Variants in PPP2R2C observed in about 807,000 individuals in gnomAD.
PPP2R2C encodes the protein protein phosphatase 2, regulatory subunit B, gamma.
In PPP2R2C, 10 loss-of-function variants were observed where a neutral mutation model predicts 45.3. The observed-to-expected ratio is 0.22, with a 90% CI of 0.14 to 0.37. The LOEUF (loss-of-function observed/expected upper bound fraction) is 0.37. Ranked by LOEUF, PPP2R2C falls within the 10% of genes least tolerant of loss-of-function variation. PPP2R2C has a pLI of 1.00. For synonymous variants in PPP2R2C, 257 were observed against 245.4 expected (o/e 1.05, Z -0.44); for missense variants, 308 against 619.7 (o/e 0.50, Z 5.34).
At chr4:6,522,381 A>G (rs1047303831) in intron 2 of PPP2R2C, among the ~76,000 whole-genome samples, 3 of 152,222 alleles carry the variant, frequency 2.0e-5, no homozygotes, top group African/African-American at 7.2e-5. Context: ...TGGGAAATTG[A>G]GGCTGGCGAG....
intron 1 of PPP2R2C, among the ~76,000 whole-genome samples, chr4:6,437,428 C>G (rs936822124): frequency 2.0e-5 from 3 of 152,202 alleles, no homozygotes; most frequent in Admixed American, 6.5e-5. Flanking sequence ...TCAACTGTTT[C>G]ATTTTAAAGA....
chr4:6,495,127 C>T (rs980216124), intron 2 of PPP2R2C, among the ~76,000 whole-genome samples: 2 of 152,240 alleles, frequency 1.3e-5, no homozygotes, highest in Admixed American at 6.5e-5. Flanking sequence ...CAAGGGGCTA[C>T]GTGGCCTCCA....
intron 1 of PPP2R2C, chr4:6,535,485 C>A: frequency 2.7e-6 from 2 of 749,916 alleles, no homozygotes; most frequent in Non-Finnish European, 4.2e-6. Flanking sequence ...GCCGCCCTGG[C>A]CGCCGCCCGG....
At chr4:6,537,189 C>T (rs1170270478) in intron 1 of PPP2R2C, among the ~76,000 whole-genome samples, 2 of 151,414 alleles carry the variant, frequency 1.3e-5, no homozygotes, top group East Asian at 1.9e-4. Context: ...GGCGACAGAG[C>T]GAGACTCCAT....
At chr4:6,494,336 G>A (rs1019510516) in intron 2 of PPP2R2C, among the ~76,000 whole-genome samples, 21 of 152,276 alleles carry the variant, frequency 1.4e-4, no homozygotes, top group African/African-American at 5.1e-4. Context: ...GGCCCTCCCC[G>A]GGGTGTCCAG....
intron 1 of PPP2R2C, among the ~76,000 whole-genome samples, chr4:6,454,325 T>C (rs1720899101): frequency 6.6e-6 from 1 of 152,190 alleles, no homozygotes; most frequent in Admixed American, 6.5e-5. Context: ...TGGGCCGGCC[T>C]GTGACTTGCT....
intron 1 of PPP2R2C, among the ~76,000 whole-genome samples, chr4:6,423,203 A>C (rs112630238): frequency 0.014 from 2,152 of 152,014 alleles, 53 homozygotes; most frequent in African/African-American, 0.049. Context: ...TTCTTGTTTT[A>C]GTTTTTTGTT....
chr4:6,441,880 C>T (rs551600994), intron 1 of PPP2R2C, among the ~76,000 whole-genome samples: 37 of 152,294 alleles, frequency 2.4e-4, no homozygotes, highest in Non-Finnish European at 3.5e-4. Context: ...CCCAGCACTG[C>T]GGTCAAAATT....
Position 6,321,668 on chromosome 4 carries a change from CAA to C in PPP2R2C, c.*1632_*1633del, listed in dbSNP as rs10606346. ...TGTAAAAAACAAAACAAAACAAAAC[CAA>C]AAAAAAAGTTTGGATTTGGCTGGGT... On this transcript the variant is annotated 3_prime_UTR_variant, in exon 9 of 9. Coordinates refer to ENST00000382599, the MANE Select transcript of PPP2R2C (RefSeq NM_020416.4). The C allele has an allele frequency of 0.13, 20,341 of 151,566 alleles. 1,499 individuals carry two copies. Among genetic ancestry groups the C allele is most frequent in the Middle Eastern group, 0.21 (61 of 294 alleles). The allele number at this position is 151,566 out of a possible 1,614,324, so 9.4% of individuals were successfully genotyped here.
At chr4:6,527,711 G>C (rs765476882) in intron 2 of PPP2R2C, among the ~76,000 whole-genome samples, 2 of 152,046 alleles carry the variant, frequency 1.3e-5, no homozygotes, top group African/African-American at 2.4e-5. Flanking sequence ...TCCAGGCCCG[G>C]TGCAAAACCA....
intron 1 of PPP2R2C, among the ~76,000 whole-genome samples, chr4:6,397,056 C>A (rs543001013): frequency 6.6e-6 from 1 of 152,264 alleles, no homozygotes; most frequent in Non-Finnish European, 1.5e-5. Context: ...TCACTCTGGG[C>A]CAAGTGAGCC....
At chr4:6,327,781 C>T (rs1333857924) in intron 8 of PPP2R2C, among the ~76,000 whole-genome samples, 1 of 152,116 alleles carries the variant, frequency 6.6e-6, no homozygotes, top group Non-Finnish European at 1.5e-5. Context: ...CTTTAGTGGC[C>T]CCCTGTGATC....
Position 6,480,639 on chromosome 4 carries a change from C to T in PPP2R2C, c.49+54632G>A, listed in dbSNP as rs895661235. Among the ~76,000 whole-genome samples, 8 of 152,274 alleles carry T rather than the reference C, an allele frequency of 5.3e-5. No individual in the cohort carries two copies. In the East Asian group the frequency reaches 5.8e-4, roughly 11 times the overall value. On this transcript the variant is annotated intron_variant, in intron 2 of 9. Transcript: ENST00000506140. ...TGCAGGTACATCCTTTTACTTAGTT[C>T]CTCATAGCCTGCAGTGTAAAGGTTT...
Position 6,371,435 on chromosome 4 carries a change from G to T in PPP2R2C, c.625+1088C>A, listed in dbSNP as rs111778039. Reference sequence around the variant, plus strand: ...GCTATCCCGGCTTCTACTGCTCCGAGGGACACAGCCCACTCCTGACCACTG... The same window carrying T: ...GCTATCCCGGCTTCTACTGCTCCGATGGACACAGCCCACTCCTGACCACTG... On this transcript the variant is annotated intron_variant, in intron 5 of 8. Coordinates refer to ENST00000382599, the MANE Select transcript of PPP2R2C (RefSeq NM_020416.4). 2.9e-3 allele frequency among the ~76,000 whole-genome samples: 437 copies of T among 152,352 alleles called. 4 individuals are homozygous for T. Among genetic ancestry groups the T allele is most frequent in the African/African-American group, 9.9e-3 (413 of 41,584 alleles).
At position 6,365,722 on chromosome 4, in the gene PPP2R2C, AC is replaced by A. The variant is rs560378805; in HGVS notation, c.625+6800del. 5.1e-4 allele frequency among the ~76,000 whole-genome samples: 77 copies of A among 152,034 alleles called. 1 individual carries two copies. The highest frequency in any genetic ancestry group is 7.5e-4 in the Non-Finnish European group (51 of 67,970). ...TGAGCCTCCTGCGGTGAATGGCTGCACCCCCCTCCAGCCCACCTGGCCGTGC... is the reference window on the plus strand; with the variant it reads ...TGAGCCTCCTGCGGTGAATGGCTGCACCCCCTCCAGCCCACCTGGCCGTGC... On this transcript the variant is annotated intron_variant, in intron 5 of 8. Coordinates refer to ENST00000382599, the MANE Select transcript of PPP2R2C (RefSeq NM_020416.4).
intron 5 of PPP2R2C, among the ~76,000 whole-genome samples, chr4:6,367,058 G>A (rs1190274076): frequency 6.6e-6 from 1 of 151,806 alleles, no homozygotes; most frequent in East Asian, 1.9e-4. Context: ...GTGAGAGAGA[G>A]GGAGGAGGCT....
intron 1 of PPP2R2C, among the ~76,000 whole-genome samples, chr4:6,535,569 C>G (rs1724579764): frequency 6.6e-6 from 1 of 152,208 alleles, no homozygotes; most frequent in Non-Finnish European, 1.5e-5. Flanking sequence ...GCCTGAGCCT[C>G]AGCTTCCAAA....
intron 2 of PPP2R2C, among the ~76,000 whole-genome samples, chr4:6,511,529 T>C (rs1560593858): frequency 2.1e-4 from 7 of 33,906 alleles, no homozygotes; most frequent in African/African-American, 6.3e-4. Context: ...GTGGTGATGG[T>C]GGTGGTGGTG....
chr4:6,392,167 T>G (rs562407761), intron 1 of PPP2R2C, among the ~76,000 whole-genome samples: 21 of 152,288 alleles, frequency 1.4e-4, no homozygotes, highest in Admixed American at 1.0e-3. Flanking sequence ...TTAATGACAT[T>G]GATTGTACAT....
Sources: gnomAD v4.1 joint callset for allele counts (sites outside exome capture counted in the v4.1 genomes callset) on GRCh38, gnomAD v4.1.1 for gene constraint, MANE v1.5 for transcripts, NCBI Gene and HGNC (gene_info 2026-07-23, HGNC 2026-07-21) for gene names.